Variants in OXR1 observed in about 807,000 individuals in gnomAD.
OXR1 encodes the protein oxidation resistance 1, also known as oxidation resistance protein 1.
In OXR1, 41 loss-of-function variants were observed where a neutral mutation model predicts 104.6. The ratio of observed to expected loss-of-function variants is 0.39; its 90% CI spans 0.31 to 0.51. OXR1 has a LOEUF of 0.51. Among genes scored for constraint, OXR1 ranks in the 20% least tolerant of loss-of-function variants. The pLI is 0.77. For missense variants in OXR1, 955 were observed against 1,031.9 expected (o/e 0.93, Z 1.02); for synonymous variants, 348 against 348.4 (o/e 1.00, Z 0.01).
rs146593561 is a variant in OXR1 at position 106,578,983 on chromosome 8, C to CTTTTTTTTTTT, written c.220+59847_220+59848insTTTTTTTTTTT. On this transcript the variant is annotated intron_variant, in intron 3 of 16. Transcript: ENST00000517566. Reference sequence around the variant, plus strand: ...GACCACCTAGGTAACCTCACTTTTTCTTTCTTTTTTTTTTTTTTTGCCTAG... The same window carrying CTTTTTTTTTTT: ...GACCACCTAGGTAACCTCACTTTTTCTTTTTTTTTTTTTTCTTTTTTTTTTTTTTTGCCTAG... Among the ~76,000 whole-genome samples, 32 of 130,968 alleles carry CTTTTTTTTTTT rather than the reference C, an allele frequency of 2.4e-4. 1 individual carries two copies. Among genetic ancestry groups the CTTTTTTTTTTT allele is most frequent in the African/African-American group, 4.2e-4 (14 of 33,236 alleles). The allele number at this position is 130,968 out of a possible 152,430, so 85.9% of individuals were successfully genotyped here.
intron 2 of OXR1, among the ~76,000 whole-genome samples, chr8:106,397,211 T>A (rs1817815902): frequency 6.6e-6 from 1 of 152,112 alleles, no homozygotes; most frequent in South Asian, 2.1e-4. Context: ...TGTGCATGCA[T>A]TTCTTATTGA....
At chr8:106,500,312 G>A (rs1049640104) in intron 2 of OXR1, among the ~76,000 whole-genome samples, 4 of 152,212 alleles carry the variant, frequency 2.6e-5, no homozygotes, top group Admixed American at 2.6e-4. Context: ...GCCTGGGCCT[G>A]CCTGGCCTAA....
At chr8:106,487,918 AG>A (rs1810799417) in intron 2 of OXR1, among the ~76,000 whole-genome samples, 1 of 151,748 alleles carries the variant, frequency 6.6e-6, no homozygotes, top group Non-Finnish European at 1.5e-5. Context: ...CATGATTTAT[AG>A]TCCTTTGGGT....
At chr8:106,576,953 C>T (rs939478706) in intron 3 of OXR1, among the ~76,000 whole-genome samples, 13 of 152,078 alleles carry the variant, frequency 8.5e-5, no homozygotes, top group Non-Finnish European at 1.2e-4. Flanking sequence ...TGTAGTATCT[C>T]TTAATTCGAA....
intron 2 of OXR1, among the ~76,000 whole-genome samples, chr8:106,458,950 A>C (rs371899229): frequency 3.2e-4 from 48 of 152,172 alleles, no homozygotes; most frequent in African/African-American, 1.2e-3. Context: ...TTATCTAAGG[A>C]TGAATTATGC....
intron 1 of OXR1, among the ~76,000 whole-genome samples, chr8:106,296,666 C>T (rs1813009105): frequency 6.6e-6 from 1 of 152,072 alleles, no homozygotes; most frequent in Non-Finnish European, 1.5e-5. Context: ...GTAGTAAGGC[C>T]AGTGTACATA....
chr8:106,470,081 GA>G (rs963724134), intron 2 of OXR1, among the ~76,000 whole-genome samples: 5 of 151,760 alleles, frequency 3.3e-5, no homozygotes, highest in African/African-American at 1.2e-4. Context: ...GTTAGTGAAA[GA>G]ATAGTAAGAA....
intron 1 of OXR1, among the ~76,000 whole-genome samples, chr8:106,287,029 G>A (rs3019306): frequency 0.3 from 45,398 of 151,704 alleles, 7,028 homozygotes; most frequent in East Asian, 0.56. Context: ...ATTTGGTATC[G>A]TAGGTATCAG....
intron 10 of OXR1, among the ~76,000 whole-genome samples, chr8:106,712,322 A>T (rs1831779979): frequency 6.6e-6 from 1 of 152,102 alleles, no homozygotes; most frequent in Non-Finnish European, 1.5e-5. Flanking sequence ...CTTATTACCC[A>T]GTCTTTATAA....
chr8:106,499,292 C>G (rs1224042496), intron 2 of OXR1, among the ~76,000 whole-genome samples: 1 of 150,876 alleles, frequency 6.6e-6, no homozygotes, highest in African/African-American at 2.4e-5. Flanking sequence ...TACTATTTTT[C>G]TATTGGTCTA....
At chr8:106,718,630 G>C (rs966076770) in intron 11 of OXR1, among the ~76,000 whole-genome samples, 10 of 152,064 alleles carry the variant, frequency 6.6e-5, no homozygotes, top group Admixed American at 2.0e-4. Context: ...ACGAGGTCAG[G>C]AGATCGAGAC....
chr8:106,610,302 T>C (rs960883457), intron 3 of OXR1, among the ~76,000 whole-genome samples: 1 of 152,134 alleles, frequency 6.6e-6, no homozygotes, highest in Non-Finnish European at 1.5e-5. Flanking sequence ...GCTTCATATA[T>C]CACACAGTTT....
chr8:106,706,400 A>G lies in OXR1; in HGVS notation c.879A>G (p.Ser293=), dbSNP rs777736442. ...ATGACAGAGATATAGATCAGCTATC[A>G]GGAAGGGACTTCTGCCATTCAAAGA... ...ESLPIDIDQL[S]GRDFCHSKKM... is the part of the protein sequence containing the mutation. The change falls in exon 9 of 17, where the codon TCA becomes TCG. Residue 293 remains serine, a synonymous_variant. Transcript: ENST00000517566. 6.3e-7 allele frequency: 1 copy of G among 1,574,804 alleles called. No homozygotes were observed. The highest frequency in any genetic ancestry group is 2.1e-5 in the Admixed American group (1 of 47,460).
chr8:106,707,169 G>A, intron 9 of OXR1, 24 bp downstream of exon 9: 3 of 1,606,612 alleles, frequency 1.9e-6, no homozygotes, highest in Non-Finnish European at 2.6e-6. Context: ...AGTAAATGAA[G>A]TTAGTTCATC....
intron 1 of OXR1, among the ~76,000 whole-genome samples, chr8:106,285,662 G>C (rs898670953): frequency 7.2e-5 from 11 of 151,930 alleles, no homozygotes; most frequent in Non-Finnish European, 1.6e-4. Context: ...GTAAGAAGTT[G>C]CATATTGATT....
intron 1 of OXR1, among the ~76,000 whole-genome samples, chr8:106,303,346 C>A (rs1813336624): frequency 6.7e-6 from 1 of 149,798 alleles, no homozygotes; most frequent in Admixed American, 6.7e-5. Context: ...CTCCGCCTCC[C>A]AGGGTCACAC....
At chr8:106,301,057 T>C (rs1813216514) in intron 1 of OXR1, among the ~76,000 whole-genome samples, 2 of 152,190 alleles carry the variant, frequency 1.3e-5, no homozygotes, top group Admixed American at 1.3e-4. Context: ...ATGTAAGTGA[T>C]AAAACGCACG....
intron 3 of OXR1, among the ~76,000 whole-genome samples, chr8:106,550,149 T>C (rs1413637575): frequency 6.6e-6 from 1 of 152,220 alleles, no homozygotes; most frequent in East Asian, 1.9e-4. Context: ...TGGAATTCAG[T>C]CACCTGTGGT....
At chr8:106,658,986 T>A (rs1485151528) in intron 3 of OXR1, among the ~76,000 whole-genome samples, 2 of 152,248 alleles carry the variant, frequency 1.3e-5, no homozygotes, top group Non-Finnish European at 2.9e-5. Flanking sequence ...GTCTGATTTT[T>A]ATTTTTGTTA....
Sources: gnomAD v4.1 joint callset for allele counts (sites outside exome capture counted in the v4.1 genomes callset) on GRCh38, gnomAD v4.1.1 for gene constraint, MANE v1.5 for transcripts, NCBI Gene and HGNC (gene_info 2026-07-23, HGNC 2026-07-21) for gene names.